Variants in RETREG3 observed in about 807,000 individuals in gnomAD.
RETREG3 encodes reticulophagy regulator 3.
A neutral mutation model predicts 50.2 loss-of-function variants in RETREG3; 23 were observed. That is an observed-to-expected ratio of 0.46 (90% confidence interval 0.33 to 0.65). RETREG3 has a LOEUF of 0.65. Among genes scored for constraint, RETREG3 ranks in the 30% least tolerant of loss-of-function variants. The pLI, the probability that RETREG3 is intolerant of heterozygous loss-of-function variation, is 0.02. For synonymous variants in RETREG3, 240 were observed against 234.4 expected (o/e 1.02, Z -0.22); for missense variants, 546 against 598.0 (o/e 0.91, Z 0.91).
chr17:42,591,200 TA>T (rs892420200), intron 2 of RETREG3, among the ~76,000 whole-genome samples: 2 of 152,182 alleles, frequency 1.3e-5, no homozygotes, highest in Non-Finnish European at 2.9e-5. Context: ...ACTCTCAGGC[TA>T]GGGAAAAAAT....
intron 1 of RETREG3, among the ~76,000 whole-genome samples, chr17:42,594,047 G>A (rs2093138670): frequency 6.6e-6 from 1 of 152,204 alleles, no homozygotes; most frequent in Non-Finnish European, 1.5e-5. Flanking sequence ...CAAAAAATGA[G>A]CTGAGCATGG....
intron 2 of RETREG3, 110 bp from the exon 3 acceptor site, chr17:42,587,974 C>T: frequency 8.5e-7 from 1 of 1,183,296 alleles, no homozygotes; most frequent in East Asian, 2.4e-5. Context: ...GAAAAGAAAA[C>T]AGTAATAGCC....
In RETREG3 at chr17:42,587,833, C is replaced by G. The variant is rs2093124198; in HGVS notation, c.377+1G>C. 6.2e-7 allele frequency: 1 copy of G among 1,613,972 alleles called. No homozygotes were observed. Among genetic ancestry groups the G allele is most frequent in the Non-Finnish European group, 8.5e-7 (1 of 1,180,008 alleles). Reference sequence around the variant, plus strand: ...AAAGGGATTTAATTAGTGTTCCATACCTCTCATTGTCTAATGCGTCGGGTC... The same window carrying G: ...AAAGGGATTTAATTAGTGTTCCATAGCTCTCATTGTCTAATGCGTCGGGTC... On this transcript the variant is annotated splice_donor_variant, in intron 3 of 8. Coordinates refer to ENST00000309428, the MANE Select transcript of RETREG3 (RefSeq NM_178126.4). LOFTEE classifies it high-confidence loss of function.
At chr17:42,595,612 C>A (rs561618666) in intron 1 of RETREG3, among the ~76,000 whole-genome samples, 1 of 150,722 alleles carries the variant, frequency 6.6e-6, no homozygotes, top group Non-Finnish European at 1.5e-5. Flanking sequence ...GAGGGATGGA[C>A]GGGAACAAGA....
chr17:42,588,512 A>G (rs996733753), intron 2 of RETREG3, among the ~76,000 whole-genome samples: 4 of 151,860 alleles, frequency 2.6e-5, no homozygotes, highest in African/African-American at 9.7e-5. Context: ...CTGGGATTAC[A>G]GGCACACGCC....
At chr17:42,608,601 A>C (rs761633927) in intron 1 of RETREG3, 1 of 153,276 alleles carries the variant, frequency 6.5e-6, no homozygotes, top group East Asian at 1.9e-4. Flanking sequence ...TCCTAGATAT[A>C]TAACATGCTA....
At chr17:42,607,657 T>C (rs2093170606) in intron 1 of RETREG3, among the ~76,000 whole-genome samples, 2 of 151,606 alleles carry the variant, frequency 1.3e-5, no homozygotes, top group South Asian at 4.2e-4. Flanking sequence ...AAATACAAAA[T>C]TAGCCGGTTG....
chr17:42,594,676 T>C (rs1178926021), intron 1 of RETREG3, among the ~76,000 whole-genome samples: 1 of 149,712 alleles, frequency 6.7e-6, no homozygotes, highest in Non-Finnish European at 1.5e-5. Flanking sequence ...ACCCTATCTC[T>C]ACTAAAAATA....
At chr17:42,593,257 T>A (rs1197588817) in intron 1 of RETREG3, among the ~76,000 whole-genome samples, 1 of 152,106 alleles carries the variant, frequency 6.6e-6, no homozygotes, top group Non-Finnish European at 1.5e-5. Context: ...ATCCCAAGAC[T>A]GCAAGGGCGG....
intron 3 of RETREG3, among the ~76,000 whole-genome samples, chr17:42,587,358 AC>A (rs1420848597): frequency 6.6e-6 from 1 of 152,232 alleles, no homozygotes; most frequent in East Asian, 1.9e-4. Context: ...TTTGGATCAA[AC>A]AAATGGAGTG....
chr17:42,605,883 C>T (rs942363530), intron 1 of RETREG3, among the ~76,000 whole-genome samples: 1 of 149,156 alleles, frequency 6.7e-6, no homozygotes, highest in African/African-American at 2.5e-5. Flanking sequence ...CCCAGCTACT[C>T]GGGAGGCTGG....
chr17:42,583,551 C>T lies in RETREG3; in HGVS notation c.757G>A (p.Ala253Thr), dbSNP rs774531061. The T allele has an allele frequency of 6.2e-7, 1 of 1,613,836 alleles. No homozygotes were observed. Among genetic ancestry groups the T allele is most frequent in the South Asian group, 1.1e-5 (1 of 91,074 alleles). The change falls in exon 7 of 9, where the codon GCC becomes ACC. Residue 253 changes from alanine (A) to threonine (T), a missense_variant. Ala to Thr is a moderately conservative substitution (Grantham distance 58). Transcript: ENST00000309428. The stretch of plus-strand genomic sequence containing the variant: ...TCGCTGTCACTGTGGTTGTCCATGG[C>T]TCGTTCTGGGTGGAGAGCTCTGCGG... The part of the protein sequence containing the change: ...LRRRALHPER[A>T]MDNHSDSEEE...
rs780688544 is a variant in RETREG3 at position 42,586,556 on chromosome 17, G to C, written c.504+209C>G. ...GAAGCAAGAAAACGGCCTCATCTAA[G>C]TGGCAACCACACCAAATGAGCAGTC... On this transcript the variant is annotated intron_variant, in intron 4 of 8. Coordinates refer to ENST00000309428, the MANE Select transcript of RETREG3 (RefSeq NM_178126.4). 43 of 541,472 alleles carry C rather than the reference G, an allele frequency of 7.9e-5. No homozygotes were observed. In the Admixed American group the frequency reaches 8.5e-4, roughly 11 times the overall value. The allele number at this position is 541,472 out of a possible 1,614,324, so 33.5% of individuals were successfully genotyped here. A position where few individuals can be genotyped will look rare whatever the true frequency, so the allele number is the denominator to read the frequency against.
chr17:42,589,714 A>G (rs985296257), intron 2 of RETREG3, among the ~76,000 whole-genome samples: 1 of 152,174 alleles, frequency 6.6e-6, no homozygotes, highest in African/African-American at 2.4e-5. Flanking sequence ...GATCACAGGC[A>G]TGATCCACTG....
chr17:42,605,145 T>A (rs1175286672), intron 1 of RETREG3: 3 of 150,176 alleles, frequency 2.0e-5, no homozygotes, highest in Non-Finnish European at 4.4e-5. Context: ...TCTACATCTA[T>A]CTCCATCTTT....
At chr17:42,595,669 T>TC (rs944753064) in intron 1 of RETREG3, among the ~76,000 whole-genome samples, 6 of 146,482 alleles carry the variant, frequency 4.1e-5, no homozygotes, top group African/African-American at 1.5e-4. Context: ...TTTCTTTCTT[T>TC]TTTTTTTTTT....
intron 2 of RETREG3, among the ~76,000 whole-genome samples, chr17:42,589,134 TTA>T (rs1328955811): frequency 6.6e-6 from 1 of 151,626 alleles, no homozygotes; most frequent in Non-Finnish European, 1.5e-5. Context: ...GGGAGACCCA[TTA>T]TCTACCTGAA....
At chr17:42,592,953 C>T (rs2093136066) in intron 1 of RETREG3, among the ~76,000 whole-genome samples, 2 of 152,072 alleles carry the variant, frequency 1.3e-5, no homozygotes, top group African/African-American at 4.8e-5. Flanking sequence ...TGCCACTGCA[C>T]TCCAGCCTGG....
At position 42,579,600 on chromosome 17, in the gene RETREG3, C is replaced by T. The variant is rs1457120272; in HGVS notation, c.*2213G>A. ...ACTATGGAGATTCAGGGCAGGATCC[C>T]TCAGGTACAAGAAACACCTTCCGAA... is the stretch of plus-strand genomic sequence containing the variant. On this transcript the variant is annotated 3_prime_UTR_variant, in exon 9 of 9. Coordinates refer to ENST00000309428, the MANE Select transcript of RETREG3 (RefSeq NM_178126.4). 1.3e-5 allele frequency: 2 copies of T among 152,814 alleles called. No individual in the cohort carries two copies. Among genetic ancestry groups the T allele is most frequent in the East Asian group, 3.8e-4 (2 of 5,330 alleles). The allele number at this position is 152,814 out of a possible 1,614,324, so 9.5% of individuals were successfully genotyped here.
Sources: gnomAD v4.1 joint callset for allele counts (sites outside exome capture counted in the v4.1 genomes callset) on GRCh38, gnomAD v4.1.1 for gene constraint, MANE v1.5 for transcripts, NCBI Gene and HGNC (gene_info 2026-07-23, HGNC 2026-07-21) for gene names.